Variants in DOCK9 observed in about 807,000 individuals in gnomAD.
The protein encoded by DOCK9 is dedicator of cytokinesis protein 9.
A neutral mutation model predicts 263.3 loss-of-function variants in DOCK9; 89 were observed. The observed-to-expected ratio is 0.34, with a 90% CI of 0.28 to 0.40. The LOEUF (loss-of-function observed/expected upper bound fraction) is 0.40. DOCK9 is among the 10% of genes least tolerant of loss of function. DOCK9 has a pLI of 1.00. For missense variants in DOCK9, 2,140 were observed against 2,603.4 expected (o/e 0.82, Z 3.87); for synonymous variants, 976 against 973.1 (o/e 1.00, Z -0.06).
chr13:98,860,977 CTCAG>C (rs760855460), intron 32 of DOCK9, among the ~76,000 whole-genome samples: 3 of 152,138 alleles, frequency 2.0e-5, no homozygotes, highest in Non-Finnish European at 4.4e-5. Context: ...CATGTGAACT[CTCAG>C]TCAGTGGAGA....
intron 45 of DOCK9, among the ~76,000 whole-genome samples, chr13:98,813,466 G>A (rs2091516238): frequency 6.6e-6 from 1 of 151,986 alleles, no homozygotes; most frequent in Non-Finnish European, 1.5e-5. Flanking sequence ...TGCATCTACT[G>A]AGAAAATCAT....
chr13:98,872,599 G>A (rs776397708), intron 27 of DOCK9, among the ~76,000 whole-genome samples: 1 of 152,002 alleles, frequency 6.6e-6, no homozygotes, highest in Non-Finnish European at 1.5e-5. Flanking sequence ...CAGAGATGAC[G>A]TCTCACTATG....
chr13:99,086,177 T>C (rs1431151757), intron 1 of DOCK9: 2 of 1,448,336 alleles, frequency 1.4e-6, no homozygotes, highest in Admixed American at 2.6e-5. Context: ...CGCAGCTGCC[T>C]GCGCCCCCGC....
intron 26 of DOCK9, 36 bp downstream of exon 26, chr13:98,880,511 G>C: frequency 6.2e-7 from 1 of 1,613,008 alleles, no homozygotes; most frequent in Non-Finnish European, 8.5e-7. Context: ...CTGTTAATCA[G>C]TTTCAATCAG....
Position 98,915,367 on chromosome 13 carries a change from G to A in DOCK9, c.854C>T (p.Ala285Val). The A allele has an allele frequency of 1.9e-6, 3 of 1,613,818 alleles. No individual in the cohort carries two copies. Among genetic ancestry groups the A allele is most frequent in the Non-Finnish European group, 2.5e-6 (3 of 1,179,848 alleles). Residue 285 changes from alanine (A) to valine (V), a missense_variant, in exon 8 of 53, where the codon GCT becomes GTT. Ala to Val is a moderately conservative substitution (Grantham distance 64). Coordinates refer to ENST00000682017, the MANE Select transcript of DOCK9 (RefSeq NM_001366683.2). ...GCCATTTCGCTTTTCTTGCATTGCA[G>A]CTTCAAAGTTGAGCTGGAGGATCTT... ...LNKILQLNFE[A>V]AMQEKRNGDS...
chr13:99,042,856 A>G (rs757047986), intron 1 of DOCK9, among the ~76,000 whole-genome samples: 2 of 152,198 alleles, frequency 1.3e-5, no homozygotes, highest in African/African-American at 4.8e-5. Flanking sequence ...ACATCCAATT[A>G]TTTTAAAAAT....
intron 21 of DOCK9, 138 bp from the exon 22 acceptor site, chr13:98,884,037 T>C (rs1225967825): frequency 3.3e-6 from 2 of 605,544 alleles, no homozygotes; most frequent in Non-Finnish European, 5.7e-6. Flanking sequence ...GCCGGGCCCA[T>C]GGCAGGAATG....
At chr13:99,008,234 A>ATATATATT (rs1233268084) in intron 1 of DOCK9, among the ~76,000 whole-genome samples, 49 of 94,010 alleles carry the variant, frequency 5.2e-4, no homozygotes, top group East Asian at 1.6e-3. Flanking sequence ...ATATATATAT[A>ATATATATT]TTTTTTTTTT....
At chr13:99,045,432 C>G (rs1392855574) in intron 1 of DOCK9, among the ~76,000 whole-genome samples, 1 of 152,056 alleles carries the variant, frequency 6.6e-6, no homozygotes, top group Non-Finnish European at 1.5e-5. Context: ...CATGACCTCA[C>G]TTAGATGTAG....
intron 2 of DOCK9, among the ~76,000 whole-genome samples, chr13:98,951,929 C>CTTTTTTTTT (rs1555423106): frequency 5.3e-5 from 5 of 94,176 alleles, no homozygotes; most frequent in East Asian, 4.5e-4. Context: ...TGGAGTTTTC[C>CTTTTTTTTT]TCTTGTCCCC....
chr13:98,962,667 C>T (rs2058775864), intron 1 of DOCK9, among the ~76,000 whole-genome samples: 1 of 151,780 alleles, frequency 6.6e-6, no homozygotes, highest in Non-Finnish European at 1.5e-5. Context: ...AAAAACTTTC[C>T]TTGACCTCCA....
Position 99,083,366 on chromosome 13 carries a change from T to A in DOCK9, c.129+2857A>T, listed in dbSNP as rs188367753. On this transcript the variant is annotated intron_variant, in intron 1 of 32. Coordinates refer to the DOCK9 transcript ENST00000427887. ...AACAAACTAACAATCAAATATTTTT[T>A]AATATAATCTGGGAAATGTGAAGAG... 3.9e-3 allele frequency among the ~76,000 whole-genome samples: 595 copies of A among 152,328 alleles called. 2 individuals carry two copies. Among genetic ancestry groups the A allele is most frequent in the Non-Finnish European group, 6.5e-3 (445 of 68,036 alleles).
intron 15 of DOCK9, 90 bp downstream of exon 15, chr13:98,897,398 C>A: frequency 4.0e-6 from 6 of 1,507,698 alleles, no homozygotes; most frequent in Non-Finnish European, 4.5e-6. Context: ...ATGTCTAAAT[C>A]GAGCAACCTA....
intron 1 of DOCK9, among the ~76,000 whole-genome samples, chr13:98,995,335 C>T (rs1275816725): frequency 2.0e-5 from 3 of 152,152 alleles, no homozygotes; most frequent in Non-Finnish European, 4.4e-5. Flanking sequence ...AGGCTTTCTA[C>T]AAGCATACTC....
chr13:99,083,424 C>T (rs978726731), intron 1 of DOCK9, among the ~76,000 whole-genome samples: 4 of 152,076 alleles, frequency 2.6e-5, no homozygotes, highest in Non-Finnish European at 4.4e-5. Flanking sequence ...TATTATGACA[C>T]AGTTATGTAA....
At chr13:98,900,355 C>T (rs185212192) in intron 13 of DOCK9, among the ~76,000 whole-genome samples, 98 of 152,206 alleles carry the variant, frequency 6.4e-4, no homozygotes, top group South Asian at 3.1e-3. Context: ...GTTGCATACA[C>T]GGTCGGGGGA....
chr13:98,846,641 G>C, intron 37 of DOCK9: 1 of 1,064,812 alleles, frequency 9.4e-7, no homozygotes, highest in Admixed American at 1.9e-5. Context: ...ACCATCACCA[G>C]AGCAGATGAA....
chr13:99,054,969 CAA>C (rs1350298635), intron 1 of DOCK9, among the ~76,000 whole-genome samples: 1 of 152,128 alleles, frequency 6.6e-6, no homozygotes, highest in African/African-American at 2.4e-5. Context: ...TTTCACAAAC[CAA>C]AGAGCTAAAT....
chr13:98,929,534 G>C (rs1260469258), intron 3 of DOCK9, among the ~76,000 whole-genome samples: 1 of 152,100 alleles, frequency 6.6e-6, no homozygotes, highest in Non-Finnish European at 1.5e-5. Flanking sequence ...AACAGAGCAA[G>C]ACTCTGTCTC....
Sources: gnomAD v4.1 joint callset for allele counts (sites outside exome capture counted in the v4.1 genomes callset) on GRCh38, gnomAD v4.1.1 for gene constraint, MANE v1.5 for transcripts, NCBI Gene and HGNC (gene_info 2026-07-23, HGNC 2026-07-21) for gene names.